PFKFB3: variants seen among roughly 807,000 people sequenced by gnomAD.
PFKFB3 encodes the protein 6-phosphofructo-2-kinase/fructose-2,6-bisphosphatase 3.
A neutral mutation model predicts 68.0 loss-of-function variants in PFKFB3; 33 were observed. That is an observed-to-expected ratio of 0.49 (90% CI 0.37 to 0.65). The LOEUF (loss-of-function observed/expected upper bound fraction) is 0.65, where lower values mean the gene tolerates loss of function less well. PFKFB3 is among the 30% of genes least tolerant of loss of function. PFKFB3 has a pLI of 0.00. For synonymous variants in PFKFB3, 315 were observed against 288.2 expected (o/e 1.09, Z -0.94); for missense variants, 586 against 712.2 (o/e 0.82, Z 2.02).
At chr10:6,293,026 C>G in the PFKFB3 span, 1 of 321,716 alleles carries the variant, frequency 3.1e-6, no homozygotes, top group South Asian at 3.0e-5. Flanking sequence ...GAAAGCCTCA[C>G]GTGCAGAATA....
chr10:6,288,450 G>A, the PFKFB3 span, among the ~76,000 whole-genome samples: 2 of 148,536 alleles, frequency 1.3e-5, no homozygotes, highest in East Asian at 2.0e-4. Context: ...GAGAACACGC[G>A]GTGTTTGGTT....
the PFKFB3 span, among the ~76,000 whole-genome samples, chr10:6,279,047 A>G: frequency 6.6e-6 from 1 of 152,236 alleles, no homozygotes; most frequent in African/African-American, 2.4e-5. Flanking sequence ...CCACACAGCA[A>G]TTGCTCACTA....
chr10:6,269,093 G>A, the PFKFB3 span, among the ~76,000 whole-genome samples: 70 of 150,900 alleles, frequency 4.6e-4, no homozygotes, highest in Non-Finnish European at 8.4e-4. Context: ...CTGCTAGTAT[G>A]TAGAAATGAC....
rs190194170 is a variant in PFKFB3, at chr10:6,178,904, C to T, written c.16+33891C>T. On this transcript the variant is annotated intron_variant, in intron 1 of 14. Transcript: ENST00000379789. ...GCCTGACTCCCTTGAGAAGTGTCCC[C>T]AACCCAGTTCCCGTCTCACTACCAG... Among the ~76,000 whole-genome samples, 7 of 152,320 alleles carry T rather than the reference C, an allele frequency of 4.6e-5. No individual in the cohort carries two copies. The East Asian group carries it at 9.7e-4, about 21-fold the overall frequency.
intron 6 of PFKFB3, among the ~76,000 whole-genome samples, chr10:6,219,338 G>A (rs1844795640): frequency 6.6e-6 from 1 of 152,190 alleles, no homozygotes; most frequent in Non-Finnish European, 1.5e-5. Flanking sequence ...TGGGTTTCCT[G>A]TCTCTGTCCT....
the PFKFB3 span, among the ~76,000 whole-genome samples, chr10:6,273,831 C>A: frequency 0.84 from 128,157 of 152,154 alleles, 57,314 homozygotes; most frequent in South Asian, 0.99. Flanking sequence ...ACCTGGATAG[C>A]TCCTTCCCGC....
chr10:6,316,141 A>T, the PFKFB3 span, among the ~76,000 whole-genome samples: 111,867 of 152,124 alleles, frequency 0.74, 41,912 homozygotes, highest in Non-Finnish European at 0.79. Context: ...TGTGAGGTTC[A>T]TGAGGTGGAC....
At chr10:6,284,883 A>T in the PFKFB3 span, among the ~76,000 whole-genome samples, 1 of 152,208 alleles carries the variant, frequency 6.6e-6, no homozygotes, top group Non-Finnish European at 1.5e-5. Context: ...TAATGTTTTT[A>T]AGGTTTATCT....
chr10:6,163,814 T>A (rs1265941957), intron 1 of PFKFB3: 1 of 151,858 alleles, frequency 6.6e-6, no homozygotes, highest in Non-Finnish European at 1.5e-5. Context: ...GTTCACGTGC[T>A]GTCGCGCGCC....
chr10:6,322,692 A>G, the PFKFB3 span, among the ~76,000 whole-genome samples: 2 of 152,198 alleles, frequency 1.3e-5, no homozygotes, highest in African/African-American at 4.8e-5. Context: ...CAAGGTCTTT[A>G]ATGGACTTTC....
chr10:6,311,107 G>C, the PFKFB3 span, among the ~76,000 whole-genome samples: 6 of 152,198 alleles, frequency 3.9e-5, no homozygotes, highest in Non-Finnish European at 7.3e-5. Context: ...GGAATGAACA[G>C]AGACAGAACT....
the PFKFB3 span, among the ~76,000 whole-genome samples, chr10:6,314,848 T>A: frequency 6.6e-6 from 1 of 151,966 alleles, no homozygotes; most frequent in Non-Finnish European, 1.5e-5. Context: ...GAACTAGGGA[T>A]CTCCTGGGCT....
chr10:6,287,801 CTA>C, the PFKFB3 span, among the ~76,000 whole-genome samples: 1 of 151,936 alleles, frequency 6.6e-6, no homozygotes, highest in South Asian at 2.1e-4. Context: ...GAACAAACTG[CTA>C]TCTGTTAGAT....
chr10:6,212,269 C>A (rs933909593), intron 1 of PFKFB3, among the ~76,000 whole-genome samples: 2 of 152,226 alleles, frequency 1.3e-5, no homozygotes, highest in African/African-American at 4.8e-5. Context: ...ACTCCCAGGG[C>A]CAGGCGACAG....
At chr10:6,177,290 G>A (rs1043240575) in intron 1 of PFKFB3, among the ~76,000 whole-genome samples, 4 of 152,158 alleles carry the variant, frequency 2.6e-5, no homozygotes, top group Non-Finnish European at 5.9e-5. Context: ...TCACCAGATT[G>A]CTTTTTCTCT....
the PFKFB3 span, among the ~76,000 whole-genome samples, chr10:6,283,703 T>C: frequency 0.72 from 109,122 of 152,068 alleles, 40,888 homozygotes; most frequent in Non-Finnish European, 0.85. Flanking sequence ...TTTCAGTTGC[T>C]GTGGACCCCC....
At chr10:6,181,037 CAG>C (rs933368841) in intron 1 of PFKFB3, among the ~76,000 whole-genome samples, 2 of 152,088 alleles carry the variant, frequency 1.3e-5, no homozygotes, top group African/African-American at 2.4e-5. Context: ...ATTTTAGAGA[CAG>C]AGTCTGGCTC....
In PFKFB3 at chr10:6,154,898, C is replaced by T. The variant is rs556017552; in HGVS notation, c.16+9885C>T. Among the ~76,000 whole-genome samples the T allele has an allele frequency of 6.6e-6, 1 of 152,192 alleles. No individual in the cohort carries two copies. Among genetic ancestry groups the T allele is most frequent in the Non-Finnish European group, 1.5e-5 (1 of 68,032 alleles). On this transcript the variant is annotated intron_variant, in intron 1 of 14. Transcript: ENST00000379789. The surrounding 1 kb of genome is among the most constrained non-coding windows in gnomAD (Gnocchi z 4.6). ...GCCCGCACTGCCACAGCAGCTGCAC[C>T]TCCTCTAGGCCCTGTCCTTGGTAGA...
At chr10:6,258,215 T>G (rs1846509629), downstream of PFKFB3, among the ~76,000 whole-genome samples, 1 of 152,098 alleles carries the variant, frequency 6.6e-6, no homozygotes, top group African/African-American at 2.4e-5. Flanking sequence ...AATATGTGTA[T>G]GCACATACAG....
Sources: gnomAD v4.1 joint callset for allele counts (sites outside exome capture counted in the v4.1 genomes callset) on GRCh38, gnomAD v4.1.1 for gene constraint, Gnocchi (gnomAD v3.1) non-coding constraint, MANE v1.5 for transcripts, NCBI Gene and HGNC (gene_info 2026-07-23, HGNC 2026-07-21) for gene names.